Variants in SYNM observed in about 807,000 individuals in gnomAD.
SYNM encodes the protein synemin.
SYNM carries 95 observed loss-of-function variants against 104.0 expected under a neutral mutation model. The observed-to-expected ratio is 0.91, with a 90% CI of 0.77 to 1.08. The LOEUF (loss-of-function observed/expected upper bound fraction) is 1.08, where lower values mean the gene tolerates loss of function less well. SYNM is among the 50% of genes least tolerant of loss of function. The pLI is 0.00. For missense variants in SYNM, 2,150 were observed against 2,052.2 expected, an observed-to-expected ratio of 1.05 and a Z score of -0.92; for synonymous variants, 918 against 869.0, an observed-to-expected ratio of 1.06 and a Z score of -0.99.
In SYNM at chr15:99,130,184, TAGAG is replaced by T; in HGVS notation, c.1827_1830del (p.Glu610GlnfsTer24). On this transcript the variant is annotated frameshift_variant, in exon 4 of 4. Coordinates refer to ENST00000336292, the MANE Select transcript of SYNM (RefSeq NM_145728.3). LOFTEE classifies it high-confidence loss of function. Reference sequence around the variant, plus strand: ...TGAAGGATGCTGGTGGTGGGACCGGTAGAGAGGCAGAAGCAAGAGAGCTACGGTT... The same window carrying T: ...TGAAGGATGCTGGTGGTGGGACCGGTAGGCAGAAGCAAGAGAGCTACGGTT... 6.2e-7 allele frequency: 1 copy of T among 1,613,748 alleles called. No individual in the cohort carries two copies.
intron 1 of SYNM, among the ~76,000 whole-genome samples, chr15:99,109,762 A>T (rs748784912): frequency 1.8e-4 from 28 of 152,112 alleles, no homozygotes; most frequent in Non-Finnish European, 2.9e-4. Context: ...AAAACAAAGA[A>T]AGTCCCTTGA....
chr15:99,115,053 TGAGA>T (rs1335124311), intron 2 of SYNM, among the ~76,000 whole-genome samples: 1 of 151,714 alleles, frequency 6.6e-6, no homozygotes, highest in African/African-American at 2.4e-5. Context: ...CTCTTAGAGG[TGAGA>T]GAGAGAGGCC....
intron 2 of SYNM, among the ~76,000 whole-genome samples, chr15:99,116,032 A>C (rs1438410336): frequency 6.6e-6 from 1 of 152,240 alleles, no homozygotes; most frequent in Non-Finnish European, 1.5e-5. Flanking sequence ...CATGGAGTCC[A>C]TGGAGGAGCC....
intron 2 of SYNM, among the ~76,000 whole-genome samples, chr15:99,122,777 TG>T (rs1298320687): frequency 3.3e-5 from 5 of 152,186 alleles, no homozygotes; most frequent in African/African-American, 1.2e-4. Flanking sequence ...AGGCAGAGAT[TG>T]CCGTGAGCTG....
intron 2 of SYNM, among the ~76,000 whole-genome samples, chr15:99,115,614 A>G (rs1555483860): frequency 6.6e-6 from 1 of 151,550 alleles, no homozygotes. Flanking sequence ...GGCCCCTGCC[A>G]CCATTCCTGG....
rs535615106 is a variant in SYNM at position 99,107,137 on chromosome 15, C to T, written c.810+1128C>T. Among the ~76,000 whole-genome samples, 3 of 152,362 alleles carry T rather than the reference C, an allele frequency of 2.0e-5. No homozygotes were observed. In the East Asian group the frequency reaches 5.8e-4, roughly 29 times the overall value. ...AATCATAGAATGCAATATGGTACTA[C>T]ATTGGGATTTAATCTTTTGAGTTGT... On this transcript the variant is annotated intron_variant, in intron 1 of 3. Transcript: ENST00000336292.
At chr15:99,121,586 C>G (rs2067401477) in intron 2 of SYNM, among the ~76,000 whole-genome samples, 4 of 152,138 alleles carry the variant, frequency 2.6e-5, no homozygotes, top group Admixed American at 2.6e-4. Flanking sequence ...TAGCAATGTC[C>G]AGAACCTGCA....
At chr15:99,120,160 T>A (rs1233612700) in intron 2 of SYNM, among the ~76,000 whole-genome samples, 1 of 152,208 alleles carries the variant, frequency 6.6e-6, no homozygotes, top group Non-Finnish European at 1.5e-5. Context: ...ACTTCAGGCC[T>A]TCACCCAAGG....
In SYNM at chr15:99,133,233, G is replaced by T; in HGVS notation, c.*175G>T. ...TATAGTTAATCCGTAAAGGTTTCCA[G>T]TTAATTCATGCCTTAAAAGGCACTG... is the stretch of plus-strand genomic sequence containing the variant. On this transcript the variant is annotated 3_prime_UTR_variant, in exon 4 of 4. Transcript: ENST00000336292. 1 of 1,335,054 alleles carries T rather than the reference G, an allele frequency of 7.5e-7. No homozygotes were observed. Among genetic ancestry groups the T allele is most frequent in the Non-Finnish European group, 9.9e-7 (1 of 1,013,630 alleles). The allele number at this position is 1,335,054 out of a possible 1,614,324, so 82.7% of individuals were successfully genotyped here.
rs895329164 is a variant in SYNM, at chr15:99,132,948, G to A, written c.4588G>A (p.Val1530Met). 8.7e-6 allele frequency: 14 copies of A among 1,613,728 alleles called. No individual in the cohort carries two copies. In the African/African-American group the frequency reaches 1.5e-4, roughly 17 times the overall value. The change falls in exon 4 of 4, where the codon GTG (valine) becomes ATG (methionine). Residue 1530 changes from valine to methionine, a missense_variant. Physicochemically the swap from Val to Met is conservative, Grantham distance 21 (BLOSUM62 1). Coordinates refer to ENST00000336292, the MANE Select transcript of SYNM (RefSeq NM_145728.3). ...GGAGCAGGCCATGTTTGATAAGAAG[G>A]TGCAGCTCCAGAGAATGGTAGACCA... ...GKEQAMFDKK[V>M]QLQRMVDQRS... is the part of the protein sequence containing the mutation.
At chr15:99,139,751 A>G (rs988706929), downstream of SYNM, 6 of 1,318,874 alleles carry the variant, frequency 4.5e-6, no homozygotes, top group East Asian at 3.1e-4. Context: ...TAGCCTGGAA[A>G]AGATTTAAAA....
At chr15:99,139,402 G>GTA (rs782739694), downstream of SYNM, 29 of 1,614,150 alleles carry the variant, frequency 1.8e-5, no homozygotes, top group Non-Finnish European at 2.5e-5. Context: ...TGGAGACACT[G>GTA]TAGAACACCA....
intron 2 of SYNM, among the ~76,000 whole-genome samples, chr15:99,117,224 T>C (rs548487271): frequency 6.6e-6 from 1 of 152,304 alleles, no homozygotes; most frequent in Admixed American, 6.5e-5. Flanking sequence ...GTCTCTCTCT[T>C]CTGGACTCTT....
In SYNM at chr15:99,105,892, G is replaced by A. The variant is rs782484171; in HGVS notation, c.693G>A (p.Ala231=). 1 of 1,538,006 alleles carries A rather than the reference G, an allele frequency of 6.5e-7. No homozygotes were observed. Among genetic ancestry groups the A allele is most frequent in the East Asian group, 2.5e-5 (1 of 40,666 alleles). Residue 231 remains alanine, a synonymous_variant, in exon 1 of 4, where the codon GCG becomes GCA. Coordinates refer to ENST00000336292, the MANE Select transcript of SYNM (RefSeq NM_145728.3). The part of the protein sequence containing the change: ...LQAEEETRLC[A]QEAEALRREA... ...CGGAGGAAGAGACGCGGCTGTGCGC[G>A]CAGGAGGCAGAGGCGCTGCGGCGCG... is the stretch of plus-strand genomic sequence containing the variant.
chr15:99,129,163 T>C, intron 3 of SYNM: 1 of 652,296 alleles, frequency 1.5e-6, no homozygotes, highest in Non-Finnish European at 2.5e-6. Context: ...GTATTTGTAG[T>C]GCTACATTTT....
rs1555482455 is a variant in SYNM, at chr15:99,105,574, C to A, written c.375C>A (p.Gly125=). 3 of 1,142,566 alleles carry A rather than the reference C, an allele frequency of 2.6e-6. No individual in the cohort carries two copies. Among genetic ancestry groups the A allele is most frequent in the South Asian group, 8.4e-5 (2 of 23,734 alleles). The allele number at this position is 1,142,566 out of a possible 1,614,324, so 70.8% of individuals were successfully genotyped here. ...AGCGCGAGCTGCAGGAGGCGCTGGG[C>A]GCGCGCGCCGCCCTCGAGGCGCTGC... The part of the protein sequence containing the change: ...AQQRELQEAL[G]ARAALEALLG... The change falls in exon 1 of 4, where the codon GGC becomes GGA. Residue 125 remains glycine, a synonymous_variant. Coordinates refer to ENST00000336292, the MANE Select transcript of SYNM (RefSeq NM_145728.3).
Position 99,131,974 on chromosome 15 carries a change from C to G in SYNM, c.3614C>G (p.Pro1205Arg), listed in dbSNP as rs782136757. The change falls in exon 4 of 4, where the codon CCT becomes CGT. Residue 1205 changes from proline (P) to arginine (R), a missense_variant. Coordinates refer to ENST00000336292, the MANE Select transcript of SYNM (RefSeq NM_145728.3). The surrounding 1 kb of genome is among the most constrained non-coding windows in gnomAD (Gnocchi z 4.3). ...CCAGAGGCATGGGGCTCGCCAGAACCTGGCCCAGCAGAGTCTTCTGCAGAT... is the reference window on the plus strand; with the variant it reads ...CCAGAGGCATGGGGCTCGCCAGAACGTGGCCCAGCAGAGTCTTCTGCAGAT... ...ACPEAWGSPEPGPAESSADMD... is the reference protein window; with the variant it reads ...ACPEAWGSPERGPAESSADMD... 4 of 1,613,852 alleles carry G rather than the reference C, an allele frequency of 2.5e-6. No individual in the cohort carries two copies. In the African/African-American group the frequency reaches 5.3e-5, roughly 22 times the overall value.
chr15:99,138,033 G>A (rs782673776), downstream of SYNM: 13 of 1,613,930 alleles, frequency 8.1e-6, no homozygotes, highest in East Asian at 2.2e-5. Flanking sequence ...GTGCCGGGCC[G>A]GGCCTTCCCC....
intron 1 of SYNM, 145 bp downstream of exon 1, chr15:99,106,154 C>T (rs1048639586): frequency 2.2e-6 from 2 of 891,260 alleles, no homozygotes; most frequent in Admixed American, 4.2e-5. Context: ...GCCCGAATGG[C>T]ATGGGGACCC....
Sources: gnomAD v4.1 joint callset for allele counts (sites outside exome capture counted in the v4.1 genomes callset) on GRCh38, gnomAD v4.1.1 for gene constraint, Gnocchi (gnomAD v3.1) non-coding constraint, MANE v1.5 for transcripts, NCBI Gene and HGNC (gene_info 2026-07-23, HGNC 2026-07-21) for gene names.